PLXDC2: variants seen among roughly 807,000 people sequenced by gnomAD.
PLXDC2 encodes plexin domain-containing protein 2.
A neutral mutation model predicts 68.9 loss-of-function variants in PLXDC2; 40 were observed. The observed-to-expected ratio is 0.58, with a 90% CI of 0.45 to 0.76. The LOEUF is 0.76. PLXDC2 is among the 30% of genes least tolerant of loss of function. The pLI, the probability that PLXDC2 is intolerant of heterozygous loss-of-function variation, is 0.00. For synonymous variants in PLXDC2, 243 were observed against 234.2 expected, an observed-to-expected ratio of 1.04 and a Z score of -0.34; for missense variants, 644 against 661.9, an observed-to-expected ratio of 0.97 and a Z score of 0.30.
chr10:20,107,929 T>C (rs77724582), intron 4 of PLXDC2, among the ~76,000 whole-genome samples: 7,645 of 152,230 alleles, frequency 0.05, 275 homozygotes, highest in African/African-American at 0.1. Flanking sequence ...AGGAAATTAT[T>C]TTTAATAATT....
At chr10:20,182,366 A>T (rs933002927) in intron 9 of PLXDC2, among the ~76,000 whole-genome samples, 7 of 151,962 alleles carry the variant, frequency 4.6e-5, no homozygotes, top group Non-Finnish European at 1.0e-4. Flanking sequence ...TACAATTCTG[A>T]ATTTAGCTTT....
intron 1 of PLXDC2, among the ~76,000 whole-genome samples, chr10:19,823,966 C>T (rs2131997060): frequency 6.6e-6 from 1 of 152,244 alleles, no homozygotes; most frequent in Middle Eastern, 3.4e-3. Flanking sequence ...TGTGATTACA[C>T]CACTGCATTC....
intron 4 of PLXDC2, among the ~76,000 whole-genome samples, chr10:20,127,328 T>C (rs1415202691): frequency 6.6e-6 from 1 of 152,200 alleles, no homozygotes; most frequent in Non-Finnish European, 1.5e-5. Flanking sequence ...TCTTTGTCTT[T>C]CCTAGAACTG....
At chr10:19,962,418 T>G (rs1834172050) in intron 1 of PLXDC2, among the ~76,000 whole-genome samples, 1 of 123,878 alleles carries the variant, frequency 8.1e-6, no homozygotes, top group Non-Finnish European at 1.6e-5. Context: ...TGAGATGGAG[T>G]CTTGCTCTGT....
intron 2 of PLXDC2, among the ~76,000 whole-genome samples, chr10:20,028,450 C>T (rs187808925): frequency 6.6e-6 from 1 of 152,268 alleles, no homozygotes; most frequent in Admixed American, 6.5e-5. Context: ...CTGATTACTC[C>T]TAAGACCTTG....
chr10:20,275,551 G>A (rs956835508), intron 13 of PLXDC2, among the ~76,000 whole-genome samples: 9 of 152,214 alleles, frequency 5.9e-5, no homozygotes, highest in African/African-American at 1.7e-4. Context: ...GACCCTGTGT[G>A]CTTCACTCTG....
rs368156900 is a variant in PLXDC2, at chr10:19,861,171, G to T, written c.112+43980G>T. Among the ~76,000 whole-genome samples, 6 of 151,594 alleles carry T rather than the reference G, an allele frequency of 4.0e-5. No individual in the cohort carries two copies. The South Asian group carries it at 6.3e-4, about 16-fold the overall frequency. On this transcript the variant is annotated intron_variant, in intron 1 of 13. Transcript: ENST00000377252. The stretch of plus-strand genomic sequence containing the variant: ...TGCCTCAGCCTCCCAAGTAGCTGAG[G>T]TTATGGACACCCACCACCACGCCTG...
At chr10:20,134,669 C>A (rs188860047) in intron 4 of PLXDC2, among the ~76,000 whole-genome samples, 1 of 152,142 alleles carries the variant, frequency 6.6e-6, no homozygotes, top group Non-Finnish European at 1.5e-5. Context: ...GGTTCACAGG[C>A]GCTTACGTGA....
In PLXDC2 at chr10:19,924,346, C is replaced by G. The variant is rs537748412; in HGVS notation, c.113-77429C>G. ...CTCTCGCAGCCTCCCATTCCCAACC[C>G]CCTCTACCACCCTTCTTTGCACCTT... On this transcript the variant is annotated intron_variant, in intron 1 of 13. Transcript: ENST00000377252. Among the ~76,000 whole-genome samples the G allele has an allele frequency of 1.8e-3, 275 of 152,222 alleles. 1 individual carries two copies. Among genetic ancestry groups the G allele is most frequent in the Admixed American group, 4.4e-3 (68 of 15,292 alleles).
chr10:19,908,623 G>A (rs1833213119), intron 1 of PLXDC2, among the ~76,000 whole-genome samples: 1 of 152,220 alleles, frequency 6.6e-6, no homozygotes, highest in East Asian at 1.9e-4. Context: ...TCAGGGATCA[G>A]TTAGAAGACA....
intron 1 of PLXDC2, among the ~76,000 whole-genome samples, chr10:19,918,449 T>C (rs1312952573): frequency 6.6e-6 from 1 of 152,130 alleles, no homozygotes; most frequent in Non-Finnish European, 1.5e-5. Context: ...AGGAAGGCCT[T>C]GGAAACATTG....
At chr10:20,205,716 G>A (rs1052477891) in intron 9 of PLXDC2, among the ~76,000 whole-genome samples, 1 of 151,910 alleles carries the variant, frequency 6.6e-6, no homozygotes. Context: ...GGTATAATTA[G>A]GTATTAAACA....
chr10:20,104,612 T>C (rs1833465445), intron 4 of PLXDC2, among the ~76,000 whole-genome samples: 1 of 152,230 alleles, frequency 6.6e-6, no homozygotes, highest in African/African-American at 2.4e-5. Context: ...ATGTATTAGT[T>C]TACATAAATG....
At chr10:19,978,493 C>T (rs943978836) in intron 1 of PLXDC2, among the ~76,000 whole-genome samples, 9 of 152,060 alleles carry the variant, frequency 5.9e-5, no homozygotes, top group Non-Finnish European at 1.2e-4. Flanking sequence ...ATATTCTATA[C>T]AATCTTTTTT....
intron 12 of PLXDC2, among the ~76,000 whole-genome samples, chr10:20,241,093 T>C (rs1835509849): frequency 6.6e-6 from 1 of 151,870 alleles, no homozygotes; most frequent in Non-Finnish European, 1.5e-5. Context: ...TTATTAGATA[T>C]GGCCATGGTG....
chr10:19,866,896 T>G (rs975983235), intron 1 of PLXDC2, among the ~76,000 whole-genome samples: 1 of 152,004 alleles, frequency 6.6e-6, no homozygotes, highest in African/African-American at 2.4e-5. Flanking sequence ...AGTTTAGAGA[T>G]TCTTTGATTT....
chr10:19,867,367 C>T (rs545471160), intron 1 of PLXDC2, among the ~76,000 whole-genome samples: 44 of 152,168 alleles, frequency 2.9e-4, no homozygotes, highest in African/African-American at 7.0e-4. Flanking sequence ...TCCTGGCCTC[C>T]GTTCCCTCTT....
At chr10:19,943,587 C>T (rs139689325) in intron 1 of PLXDC2, among the ~76,000 whole-genome samples, 47 of 152,260 alleles carry the variant, frequency 3.1e-4, no homozygotes, top group Non-Finnish European at 6.2e-4. Flanking sequence ...AATTGCTGTG[C>T]GTTGTAAAAC....
intron 4 of PLXDC2, among the ~76,000 whole-genome samples, chr10:20,126,483 AAC>A (rs1200435577): frequency 0.11 from 2,406 of 22,492 alleles, 555 homozygotes; most frequent in East Asian, 0.24. Flanking sequence ...ATGTATATAT[AAC>A]ACACACGTTA....
Sources: gnomAD v4.1 joint callset for allele counts (sites outside exome capture counted in the v4.1 genomes callset) on GRCh38, gnomAD v4.1.1 for gene constraint, MANE v1.5 for transcripts, NCBI Gene and HGNC (gene_info 2026-07-23, HGNC 2026-07-21) for gene names.